The following ISCA1 variants were observed in gnomAD, a reference collection of about 807,000 sequenced individuals.
ISCA1 encodes iron-sulfur cluster assembly 1.
ISCA1 carries 9 observed loss-of-function variants against 14.7 expected under a neutral mutation model. The observed-to-expected ratio is 0.61, with a 90% confidence interval of 0.37 to 1.07. The LOEUF (loss-of-function observed/expected upper bound fraction) is 1.07. Among genes scored for constraint, ISCA1 ranks in the 50% least tolerant of loss-of-function variants. ISCA1 has a pLI of 0.01. For missense variants in ISCA1, 102 were observed against 150.1 expected (o/e 0.68, Z 1.67); for synonymous variants, 38 against 54.3 (o/e 0.70, Z 1.32).
intron 1 of ISCA1, among the ~76,000 whole-genome samples, chr9:86,280,401 T>C (rs775554714): frequency 1.7e-4 from 26 of 151,790 alleles, no homozygotes; most frequent in Admixed American, 3.3e-4. Context: ...CTGGTGAAGA[T>C]GGTGAAACCC....
At chr9:86,280,961 C>CA (rs1258797647) in intron 1 of ISCA1, among the ~76,000 whole-genome samples, 2 of 119,766 alleles carry the variant, frequency 1.7e-5, no homozygotes, top group East Asian at 5.8e-4. Context: ...AACAAACAAA[C>CA]AAAAAACAAA....
chr9:86,282,359 G>A lies in ISCA1; in HGVS notation c.81+19C>T. 2.6e-6 allele frequency: 4 copies of A among 1,537,860 alleles called. No homozygotes were observed. The highest frequency in any genetic ancestry group is 2.5e-5 in the East Asian group (1 of 40,562). ...CACGAGCAATGTCACGGGCCCCGCC[G>A]CGCGCCGCGAGCACTCACCAGGGTG... On this transcript the variant is annotated intron_variant, in intron 1 of 3. Coordinates refer to ENST00000375991, the MANE Select transcript of ISCA1 (RefSeq NM_030940.4).
intron 1 of ISCA1, among the ~76,000 whole-genome samples, chr9:86,280,127 T>C (rs531092539): frequency 6.6e-4 from 100 of 152,326 alleles, no homozygotes; most frequent in African/African-American, 2.3e-3. Context: ...AGCCTGAGAA[T>C]GTGCAGTGCT....
chr9:86,282,351 G>T, intron 1 of ISCA1, 27 bp downstream of exon 1: 1 of 1,536,598 alleles, frequency 6.5e-7, no homozygotes, highest in Non-Finnish European at 8.8e-7. Flanking sequence ...AATGTCACGG[G>T]CCCCGCCGCG....
chr9:86,264,792 T>A lies in ISCA1; in HGVS notation c.*1251A>T, dbSNP rs1341939225. 1 of 152,134 alleles carries A rather than the reference T, an allele frequency of 6.6e-6. No individual in the cohort carries two copies. Among genetic ancestry groups the A allele is most frequent in the African/African-American group, 2.4e-5 (1 of 41,406 alleles). The allele number at this position is 152,134 out of a possible 1,614,324, so 9.4% of individuals were successfully genotyped here. On this transcript the variant is annotated 3_prime_UTR_variant, in exon 4 of 4. Transcript: ENST00000375991. ...TCAGCTTTCAAAAAAAGCATATATA[T>A]CATCTCATAGAATACTTATGTCAAA...
intron 3 of ISCA1, 139 bp from the exon 4 acceptor site, chr9:86,266,330 A>G: frequency 7.5e-7 from 1 of 1,331,124 alleles, no homozygotes; most frequent in Non-Finnish European, 1.0e-6. Context: ...TTATTTCCTT[A>G]AGGAATTAAG....
rs779947873 is a variant in ISCA1 at position 86,282,478 on chromosome 9, C to A, written c.-20G>T. 1.1e-4 allele frequency: 165 copies of A among 1,550,568 alleles called. No individual in the cohort carries two copies. The highest frequency in any genetic ancestry group is 1.3e-4 in the Non-Finnish European group (145 of 1,147,088). ...CGACATCTTCGCCGTCCCGGCGCCC[C>A]GGTGCCTCGGGCCGAAGGTCGGCCG... On this transcript the variant is annotated 5_prime_UTR_variant, in exon 1 of 4. Coordinates refer to ENST00000375991, the MANE Select transcript of ISCA1 (RefSeq NM_030940.4).
intron 3 of ISCA1, chr9:86,267,287 T>G: frequency 1.2e-6 from 1 of 816,626 alleles, no homozygotes; most frequent in Non-Finnish European, 1.5e-6. Flanking sequence ...ATTGAGCCAT[T>G]AGCTAAATAT....
intron 1 of ISCA1, among the ~76,000 whole-genome samples, chr9:86,276,870 CAAAA>C (rs35460722): frequency 1.5e-4 from 6 of 39,910 alleles, no homozygotes; most frequent in East Asian, 8.3e-4. Context: ...GACTCTGTCT[CAAAA>C]AAAAAAAAAA....
At chr9:86,269,236 G>A (rs1265580345) in intron 3 of ISCA1, among the ~76,000 whole-genome samples, 1 of 152,148 alleles carries the variant, frequency 6.6e-6, no homozygotes, top group Non-Finnish European at 1.5e-5. Context: ...AGCAACTTCA[G>A]CAAAGTCTCA....
chr9:86,274,273 A>G, intron 1 of ISCA1, 31 bp from the exon 2 acceptor site: 1 of 1,429,694 alleles, frequency 7.0e-7, no homozygotes. Context: ...TTTTAGCTAC[A>G]AAACTTGTTA....
At chr9:86,272,997 A>G (rs564208002) in intron 2 of ISCA1, among the ~76,000 whole-genome samples, 18 of 152,362 alleles carry the variant, frequency 1.2e-4, no homozygotes, top group South Asian at 8.3e-4. Context: ...GTGACTGTAT[A>G]CAGCAAAAGT....
intron 1 of ISCA1, among the ~76,000 whole-genome samples, chr9:86,274,691 T>G (rs1213358007): frequency 6.6e-6 from 1 of 152,142 alleles, no homozygotes; most frequent in African/African-American, 2.4e-5. Context: ...CTTTTTTTTT[T>G]CTTACTCACA....
chr9:86,275,615 ATGT>A (rs944632868), intron 1 of ISCA1, among the ~76,000 whole-genome samples: 1 of 152,240 alleles, frequency 6.6e-6, no homozygotes, highest in Non-Finnish European at 1.5e-5. Flanking sequence ...AAAAACGTGA[ATGT>A]TGTTTAGTAA....
intron 1 of ISCA1, among the ~76,000 whole-genome samples, chr9:86,279,058 T>C (rs757474430): frequency 6.6e-6 from 1 of 152,264 alleles, no homozygotes; most frequent in Non-Finnish European, 1.5e-5. Context: ...TGCCTTCGTA[T>C]AGAAATCTTA....
At position 86,265,623 on chromosome 9, in the gene ISCA1, G is replaced by A. The variant is rs936547605; in HGVS notation, c.*420C>T. The stretch of plus-strand genomic sequence containing the variant: ...AAAAAGGCTATGTTAAGTTTGGGTG[G>A]AAAAAACAATGCACCACCATATTAC... On this transcript the variant is annotated 3_prime_UTR_variant, in exon 4 of 4. Coordinates refer to ENST00000375991, the MANE Select transcript of ISCA1 (RefSeq NM_030940.4). 1 of 209,796 alleles carries A rather than the reference G, an allele frequency of 4.8e-6. No homozygotes were observed. The allele number at this position is 209,796 out of a possible 1,614,324, so 13.0% of individuals were successfully genotyped here. A position where few individuals can be genotyped will look rare whatever the true frequency, so the allele number is the denominator to read the frequency against.
At chr9:86,279,728 G>T (rs577982835) in intron 1 of ISCA1, among the ~76,000 whole-genome samples, 1 of 152,054 alleles carries the variant, frequency 6.6e-6, no homozygotes, top group African/African-American at 2.4e-5. Context: ...ACTGAATTAC[G>T]TATACTTTTG....
At chr9:86,276,253 C>G (rs182483680) in intron 1 of ISCA1, among the ~76,000 whole-genome samples, 17 of 151,956 alleles carry the variant, frequency 1.1e-4, no homozygotes, top group Non-Finnish European at 1.8e-4. Context: ...GGTTTGTGCT[C>G]CTATGAGAAT....
At chr9:86,273,995 A>C (rs996380807) in intron 2 of ISCA1, among the ~76,000 whole-genome samples, 194 bp downstream of exon 2, 9 of 152,234 alleles carry the variant, frequency 5.9e-5, no homozygotes, top group African/African-American at 2.2e-4. Flanking sequence ...ATGACGACGA[A>C]GAGTCAGGTT....
Sources: gnomAD v4.1 joint callset for allele counts (sites outside exome capture counted in the v4.1 genomes callset) on GRCh38, gnomAD v4.1.1 for gene constraint, MANE v1.5 for transcripts, NCBI Gene and HGNC (gene_info 2026-07-23, HGNC 2026-07-21) for gene names.